SYN3: variants seen among roughly 807,000 people sequenced by gnomAD.
SYN3 encodes the protein synapsin-3.
A neutral mutation model predicts 65.8 loss-of-function variants in SYN3; 35 were observed. The ratio of observed to expected loss-of-function variants is 0.53; its 90% CI spans 0.41 to 0.70. The LOEUF is 0.70. Among genes scored for constraint, SYN3 ranks in the 30% least tolerant of loss-of-function variants. The pLI, the probability that SYN3 is intolerant of heterozygous loss-of-function variation, is 0.00. For missense variants in SYN3, 680 were observed against 749.0 expected, an observed-to-expected ratio of 0.91 and a Z score of 1.08; for synonymous variants, 270 against 292.9, an observed-to-expected ratio of 0.92 and a Z score of 0.80.
At chr22:32,555,834 A>T (rs2058487333) in intron 7 of SYN3, among the ~76,000 whole-genome samples, 1 of 152,116 alleles carries the variant, frequency 6.6e-6, no homozygotes, top group East Asian at 1.9e-4. Flanking sequence ...TCATTAAGAA[A>T]CTAGTCGGAT....
chr22:32,769,531 T>C (rs2045714099), intron 6 of SYN3, among the ~76,000 whole-genome samples: 2 of 139,744 alleles, frequency 1.4e-5, no homozygotes, highest in African/African-American at 5.5e-5. Context: ...TTTTTTTTTT[T>C]TGGAGACTGA....
chr22:32,611,284 GTTTTTTTTTT>G (rs1201383074), intron 6 of SYN3, among the ~76,000 whole-genome samples: 2 of 94,522 alleles, frequency 2.1e-5, no homozygotes, highest in African/African-American at 7.5e-5. Context: ...TTTTTTTTTT[GTTTTTTTTTT>G]TTTTTTTTTT....
rs905853328 is a variant in SYN3, at chr22:32,537,912, C to T, written c.992+124G>A. On this transcript the variant is annotated intron_variant, in intron 9 of 13. Transcript: ENST00000358763. ...GAAGATGATCATGTCTAAAAAAGTG[C>T]TCTGTGGATGGTGAGGCACTGGACG... The T allele has an allele frequency of 6.6e-6, 5 of 761,330 alleles. No homozygotes were observed. In the African/African-American group the frequency reaches 6.9e-5, roughly 10 times the overall value. The allele number at this position is 761,330 out of a possible 1,614,324, so 47.2% of individuals were successfully genotyped here.
intron 1 of SYN3, chr22:33,015,265 A>G (rs1601909496): frequency 2.0e-6 from 1 of 507,894 alleles, no homozygotes; most frequent in South Asian, 2.3e-5. Context: ...GGACGAGACT[A>G]TCCAAAAGGA....
intron 7 of SYN3, among the ~76,000 whole-genome samples, chr22:32,595,889 CA>C (rs2059191829): frequency 6.6e-6 from 1 of 152,098 alleles, no homozygotes; most frequent in South Asian, 2.1e-4. Context: ...CCAGCCTGGC[CA>C]ACATGGTGAA....
intron 6 of SYN3, among the ~76,000 whole-genome samples, chr22:32,648,326 A>G (rs544319547): frequency 6.6e-6 from 1 of 152,224 alleles, no homozygotes; most frequent in East Asian, 1.9e-4. Context: ...TGTGTTTTTT[A>G]TGGTTATTTT....
chr22:32,812,820 G>T lies in SYN3; in HGVS notation c.711+52095C>A, dbSNP rs548514352. 6.2e-4 allele frequency among the ~76,000 whole-genome samples: 95 copies of T among 152,298 alleles called. 1 individual carries two copies. The highest frequency in any genetic ancestry group is 2.2e-3 in the African/African-American group (93 of 41,554). On this transcript the variant is annotated intron_variant, in intron 6 of 13. Coordinates refer to ENST00000358763, the MANE Select transcript of SYN3 (RefSeq NM_003490.4). The stretch of plus-strand genomic sequence containing the variant: ...TTGGGCAGTCACTATCTGCTCCCCT[G>T]ACAGGGAGAAACCCCAGTGACAGGA...
At chr22:32,688,349 C>T (rs2060619487) in intron 6 of SYN3, among the ~76,000 whole-genome samples, 1 of 152,188 alleles carries the variant, frequency 6.6e-6, no homozygotes, top group Non-Finnish European at 1.5e-5. Flanking sequence ...ACAGTTACTT[C>T]TGCTACTTCC....
At chr22:32,999,150 T>C (rs1411691140) in intron 2 of SYN3, among the ~76,000 whole-genome samples, 2 of 152,190 alleles carry the variant, frequency 1.3e-5, no homozygotes, top group African/African-American at 2.4e-5. Flanking sequence ...GCCTGCATGA[T>C]GCGCCAGCAT....
chr22:32,948,400 G>A (rs1377233253), intron 3 of SYN3, among the ~76,000 whole-genome samples: 3 of 152,100 alleles, frequency 2.0e-5, no homozygotes, highest in Non-Finnish European at 4.4e-5. Context: ...GAAGTTCCAG[G>A]CTCTGTTATA....
intron 6 of SYN3, among the ~76,000 whole-genome samples, chr22:32,852,480 G>C (rs938350354): frequency 6.6e-6 from 1 of 152,168 alleles, no homozygotes; most frequent in Non-Finnish European, 1.5e-5. Flanking sequence ...AGGCAAGCCT[G>C]CATGAGTTTT....
chr22:32,795,073 G>GGACC (rs2046400205), intron 6 of SYN3, among the ~76,000 whole-genome samples: 1 of 152,206 alleles, frequency 6.6e-6, no homozygotes, highest in Non-Finnish European at 1.5e-5. Context: ...CTCCAGCTGT[G>GGACC]GACCGTGGGG....
At chr22:32,872,392 A>G (rs1250833619) in intron 4 of SYN3, among the ~76,000 whole-genome samples, 2 of 152,216 alleles carry the variant, frequency 1.3e-5, no homozygotes, top group Non-Finnish European at 1.5e-5. Context: ...TGATAGACAT[A>G]GTAGCCAGGA....
chr22:32,633,989 T>C (rs1057274261), intron 6 of SYN3, among the ~76,000 whole-genome samples: 3 of 152,034 alleles, frequency 2.0e-5, no homozygotes, highest in African/African-American at 7.2e-5. Context: ...ATGGACAGCC[T>C]ACTTAGAGGA....
At chr22:32,881,237 G>A (rs567282137) in intron 4 of SYN3, among the ~76,000 whole-genome samples, 37 of 152,272 alleles carry the variant, frequency 2.4e-4, no homozygotes, top group African/African-American at 8.2e-4. Flanking sequence ...AGAGAGGAGT[G>A]GGGGAAGGGG....
intron 5 of SYN3, among the ~76,000 whole-genome samples, chr22:32,867,434 G>C (rs1175267949): frequency 6.6e-6 from 1 of 152,216 alleles, no homozygotes; most frequent in Non-Finnish European, 1.5e-5. Flanking sequence ...AAGTGCCCAA[G>C]AAGTATTTGC....
At chr22:32,644,023 A>G (rs938989143) in intron 6 of SYN3, among the ~76,000 whole-genome samples, 2 of 128,730 alleles carry the variant, frequency 1.6e-5, no homozygotes, top group African/African-American at 5.9e-5. Context: ...GGTTGTAGTG[A>G]GCCGAGATCT....
rs888857976 is a variant in SYN3 at position 32,510,832 on chromosome 22, A to C, written c.*2860T>G. 1.3e-5 allele frequency among the ~76,000 whole-genome samples: 2 copies of C among 152,016 alleles called. No individual in the cohort carries two copies. Among genetic ancestry groups the C allele is most frequent in the Admixed American group, 1.3e-4 (2 of 15,278 alleles). ...GAGAGGCTGGTATTCTGGTTCTTTC[A>C]TCGTGTGACTTATACTAGTGATCCC... On this transcript the variant is annotated 3_prime_UTR_variant, in exon 14 of 14. Coordinates refer to ENST00000358763, the MANE Select transcript of SYN3 (RefSeq NM_003490.4).
At chr22:32,900,850 T>C (rs2049739509) in intron 4 of SYN3, among the ~76,000 whole-genome samples, 1 of 152,256 alleles carries the variant, frequency 6.6e-6, no homozygotes, top group South Asian at 2.1e-4. Flanking sequence ...TTCCTACTTA[T>C]ATTCTAAGAT....
Sources: gnomAD v4.1 joint callset for allele counts (sites outside exome capture counted in the v4.1 genomes callset) on GRCh38, gnomAD v4.1.1 for gene constraint, MANE v1.5 for transcripts, NCBI Gene and HGNC (gene_info 2026-07-23, HGNC 2026-07-21) for gene names.